SMIM14: variants seen among roughly 807,000 people sequenced by gnomAD.
SMIM14 encodes the protein small integral membrane protein 14, also known as chromosome 4 open reading frame 34.
SMIM14 carries 5 observed loss-of-function variants against 12.6 expected under a neutral mutation model. The ratio of observed to expected loss-of-function variants is 0.40; its 90% confidence interval spans 0.21 to 0.83. The LOEUF (loss-of-function observed/expected upper bound fraction) is 0.83. SMIM14 is among the 40% of genes least tolerant of loss of function. The pLI, the probability that SMIM14 is intolerant of heterozygous loss-of-function variation, is 0.37. For missense variants in SMIM14, 86 were observed against 119.1 expected, an observed-to-expected ratio of 0.72 and a Z score of 1.29; for synonymous variants, 30 against 40.1, an observed-to-expected ratio of 0.75 and a Z score of 0.95.
At chr4:39,600,795 C>T (rs1042676518) in intron 2 of SMIM14, among the ~76,000 whole-genome samples, 2 of 152,038 alleles carry the variant, frequency 1.3e-5, no homozygotes, top group Non-Finnish European at 2.9e-5. Flanking sequence ...CGCTTGAACC[C>T]GGGAGGCGGA....
intron 3 of SMIM14, among the ~76,000 whole-genome samples, chr4:39,569,377 A>G (rs1005894589): frequency 6.6e-6 from 1 of 152,210 alleles, no homozygotes; most frequent in African/African-American, 2.4e-5. Flanking sequence ...ATCATAATGT[A>G]TAACAAGTCT....
At chr4:39,619,847 T>A in intron 1 of SMIM14, among the ~76,000 whole-genome samples, 1 of 74,136 alleles carries the variant, frequency 1.3e-5, no homozygotes, top group Non-Finnish European at 2.4e-5. Context: ...TGTATATATA[T>A]ATTTATATAT....
intron 2 of SMIM14, among the ~76,000 whole-genome samples, chr4:39,601,221 C>A (rs116211305): frequency 0.033 from 5,012 of 152,184 alleles, 271 homozygotes; most frequent in African/African-American, 0.11. Context: ...AACTAATGAC[C>A]TAACCTGTAA....
intron 2 of SMIM14, among the ~76,000 whole-genome samples, chr4:39,592,029 C>CA (rs35570878): frequency 1.2e-4 from 18 of 150,332 alleles, no homozygotes; most frequent in South Asian, 1.0e-3. Flanking sequence ...CCCATCTCTA[C>CA]AAAAAAAAAT....
chr4:39,619,331 T>C, intron 1 of SMIM14, among the ~76,000 whole-genome samples: 1 of 66,494 alleles, frequency 1.5e-5, no homozygotes, highest in Non-Finnish European at 2.6e-5. Context: ...TAATTTATTC[T>C]ATATATCAAT....
In SMIM14 at chr4:39,556,770, C is replaced by T. The variant is rs141050117; in HGVS notation, c.125-200G>A. Among the ~76,000 whole-genome samples the T allele has an allele frequency of 5.1e-3, 770 of 152,242 alleles. 5 individuals are homozygous for T. Among genetic ancestry groups the T allele is most frequent in the African/African-American group, 0.017 (725 of 41,550 alleles). On this transcript the variant is annotated intron_variant, in intron 3 of 4. Coordinates refer to ENST00000295958, the MANE Select transcript of SMIM14 (RefSeq NM_174921.3). ...GTAAATGATGTTAAATAGTCATAAA[C>T]CAAAACTTAGTAAGTTTTTGTTGTT...
chr4:39,626,135 C>T (rs1715689992), intron 1 of SMIM14, among the ~76,000 whole-genome samples: 1 of 152,098 alleles, frequency 6.6e-6, no homozygotes. Context: ...CTAGGCTGCA[C>T]GATCCTTATG....
At chr4:39,604,190 A>G (rs926581479) in intron 2 of SMIM14, among the ~76,000 whole-genome samples, 3 of 152,146 alleles carry the variant, frequency 2.0e-5, no homozygotes, top group African/African-American at 7.2e-5. Flanking sequence ...GGCAATATAC[A>G]TATGTGTTAT....
intron 1 of SMIM14, among the ~76,000 whole-genome samples, chr4:39,624,973 G>A (rs966121512): frequency 3.3e-5 from 5 of 151,384 alleles, no homozygotes; most frequent in African/African-American, 4.9e-5. Flanking sequence ...TTGGAAGGCC[G>A]AGGCAGGCAG....
chr4:39,573,999 C>T (rs865857172), intron 2 of SMIM14, among the ~76,000 whole-genome samples: 2 of 152,138 alleles, frequency 1.3e-5, no homozygotes, highest in Middle Eastern at 3.4e-3. Flanking sequence ...AGACCTTTTA[C>T]GATGTTTAAA....
chr4:39,592,185 C>G (rs1714138653), intron 2 of SMIM14, among the ~76,000 whole-genome samples: 1 of 151,822 alleles, frequency 6.6e-6, no homozygotes, highest in African/African-American at 2.4e-5. Context: ...ACAATGAGAC[C>G]CTGTCTCTTA....
At chr4:39,626,835 C>T (rs1283746771) in intron 1 of SMIM14, among the ~76,000 whole-genome samples, 1 of 152,090 alleles carries the variant, frequency 6.6e-6, no homozygotes, top group African/African-American at 2.4e-5. Flanking sequence ...TTAATGTTTC[C>T]ATTTCTCTGC....
chr4:39,585,498 T>C (rs1474308530), intron 2 of SMIM14, among the ~76,000 whole-genome samples: 1 of 151,950 alleles, frequency 6.6e-6, no homozygotes, highest in Non-Finnish European at 1.5e-5. Context: ...GGTTTCTCCA[T>C]GTTGGTAAGT....
At chr4:39,621,488 T>TA (rs1271134927) in intron 1 of SMIM14, among the ~76,000 whole-genome samples, 2 of 152,068 alleles carry the variant, frequency 1.3e-5, no homozygotes, top group Non-Finnish European at 2.9e-5. Flanking sequence ...ATCCAGATGT[T>TA]AAAAAAACGT....
intron 2 of SMIM14, among the ~76,000 whole-genome samples, chr4:39,599,081 T>G (rs1159162765): frequency 6.6e-6 from 1 of 152,168 alleles, no homozygotes; most frequent in Non-Finnish European, 1.5e-5. Flanking sequence ...CCAACTTGAT[T>G]GAGAGATTGG....
At chr4:39,619,725 T>C (rs1158022068) in intron 1 of SMIM14, among the ~76,000 whole-genome samples, 2 of 116,822 alleles carry the variant, frequency 1.7e-5, no homozygotes, top group African/African-American at 6.4e-5. Flanking sequence ...TCAATAAATA[T>C]AATTATATAT....
In SMIM14 at chr4:39,556,564, C is replaced by T. The variant is rs543893969; in HGVS notation, c.131G>A (p.Gly44Glu). 5 of 1,594,920 alleles carry T rather than the reference C, an allele frequency of 3.1e-6. No homozygotes were observed. The highest frequency in any genetic ancestry group is 4.3e-6 in the Non-Finnish European group (5 of 1,174,796). ...ACTGATGCCATTATCACCAGAGGGT[C>T]CCGGTACTAAAGACAAACAAAAAAT... Reference protein sequence around the residue: ...TDTECLQELPGPSGDNGISVT... With the variant: ...TDTECLQELPEPSGDNGISVT... The change falls in exon 4 of 5, where the codon GGA (glycine) becomes GAA (glutamate). Residue 44 changes from glycine (G) to glutamate (E), a missense_variant. Physicochemically the swap from Gly to Glu is moderately conservative, Grantham distance 98. Transcript: ENST00000295958.
chr4:39,635,187 G>C (rs746141604), intron 1 of SMIM14, among the ~76,000 whole-genome samples: 63 of 152,148 alleles, frequency 4.1e-4, no homozygotes, highest in Non-Finnish European at 7.3e-4. Context: ...AGGCCCTACA[G>C]CAAGAACCAG....
chr4:39,584,032 A>G (rs1713651608), intron 2 of SMIM14: 1 of 152,082 alleles, frequency 6.6e-6, no homozygotes, highest in African/African-American at 2.4e-5. Flanking sequence ...ATTTTTTTTA[A>G]TGATGAAATA....
Sources: allele counts gnomAD v4.1 joint callset (sites outside exome capture counted in the v4.1 genomes callset), GRCh38; gene constraint gnomAD v4.1.1; transcripts MANE v1.5; gene names NCBI Gene and HGNC (gene_info 2026-07-23, HGNC 2026-07-21).